PTPRT: variants seen among roughly 807,000 people sequenced by gnomAD.
PTPRT encodes the protein protein tyrosine phosphatase receptor type T, also known as receptor-type tyrosine-protein phosphatase T.
Under a neutral mutation model 176.8 loss-of-function variants are expected in PTPRT, and 56 were observed. The ratio of observed to expected loss-of-function variants is 0.32; its 90% CI spans 0.26 to 0.40. PTPRT has a LOEUF of 0.40. Among genes scored for constraint, PTPRT ranks in the 10% least tolerant of loss-of-function variants. PTPRT has a pLI of 1.00. For missense variants in PTPRT, 1,540 were observed against 1,908.2 expected (o/e 0.81, Z 3.60); for synonymous variants, 783 against 739.0 (o/e 1.06, Z -0.96).
At chr20:42,096,190 C>T (rs919509811) in intron 27 of PTPRT, among the ~76,000 whole-genome samples, 4 of 152,250 alleles carry the variant, frequency 2.6e-5, no homozygotes, top group Non-Finnish European at 5.9e-5. Flanking sequence ...CAACATTCTC[C>T]TCCCCGGTCT....
At chr20:42,636,088 A>T (rs79562331) in intron 7 of PTPRT, among the ~76,000 whole-genome samples, 1 of 152,306 alleles carries the variant, frequency 6.6e-6, no homozygotes, top group African/African-American at 2.4e-5. Context: ...ATATTAGGCT[A>T]CAGTAACCTC....
At chr20:42,167,921 A>C (rs1989897141) in intron 16 of PTPRT, among the ~76,000 whole-genome samples, 1 of 152,240 alleles carries the variant, frequency 6.6e-6, no homozygotes, top group Non-Finnish European at 1.5e-5. Flanking sequence ...GACGCCCTCA[A>C]AACTTAACTA....
chr20:42,261,625 G>T (rs561866937), intron 13 of PTPRT, among the ~76,000 whole-genome samples: 1 of 152,124 alleles, frequency 6.6e-6, no homozygotes, highest in Non-Finnish European at 1.5e-5. Context: ...GAAGAGGAAT[G>T]GGGGCTCCTG....
intron 2 of PTPRT, among the ~76,000 whole-genome samples, chr20:42,824,732 G>A (rs942194431): frequency 6.6e-6 from 1 of 151,870 alleles, no homozygotes; most frequent in Non-Finnish European, 1.5e-5. Context: ...TTTGGGAATA[G>A]GGAAATAACT....
intron 11 of PTPRT, among the ~76,000 whole-genome samples, chr20:42,321,377 C>A (rs1331147455): frequency 6.6e-6 from 1 of 152,182 alleles, no homozygotes; most frequent in Non-Finnish European, 1.5e-5. Context: ...GAAAAGCTCT[C>A]TAGATAGTTA....
chr20:42,191,510 G>C (rs139957343), intron 16 of PTPRT, among the ~76,000 whole-genome samples: 24 of 152,324 alleles, frequency 1.6e-4, no homozygotes, highest in African/African-American at 5.5e-4. Flanking sequence ...GGACCAAATG[G>C]AGACAGAAGG....
chr20:42,848,767 G>A (rs1430434979), intron 2 of PTPRT, among the ~76,000 whole-genome samples: 1 of 152,038 alleles, frequency 6.6e-6, no homozygotes, highest in East Asian at 1.9e-4. Context: ...TGGACTGTCT[G>A]TTTATTCTGC....
rs531588469 is a variant in PTPRT, at chr20:42,736,205, C to T, written c.859+20257G>A. ...GGGGAAAGTTTCAGGTAAGACTTCC[C>T]TGCAGGGAAAATACATGGGCTGAAT... On this transcript the variant is annotated intron_variant, in intron 6 of 30. Coordinates refer to ENST00000373187, the MANE Select transcript of PTPRT (RefSeq NM_007050.6). Among the ~76,000 whole-genome samples, 5 of 152,230 alleles carry T rather than the reference C, an allele frequency of 3.3e-5. No individual in the cohort carries two copies. The East Asian group carries it at 7.7e-4, about 24-fold the overall frequency.
intron 1 of PTPRT, among the ~76,000 whole-genome samples, chr20:43,186,504 G>T (rs1407152055): frequency 2.0e-5 from 3 of 152,184 alleles, no homozygotes; most frequent in Non-Finnish European, 4.4e-5. Context: ...AAAGAGTGAT[G>T]CTGTCATGTC....
chr20:42,584,583 C>A (rs1253933018), intron 7 of PTPRT, among the ~76,000 whole-genome samples: 2 of 152,228 alleles, frequency 1.3e-5, no homozygotes, highest in African/African-American at 4.8e-5. Context: ...CCAGGGAACA[C>A]CTCTCTCTCC....
At chr20:42,785,509 GTA>G (rs1351806005) in intron 3 of PTPRT, among the ~76,000 whole-genome samples, 4 of 152,170 alleles carry the variant, frequency 2.6e-5, no homozygotes, top group Admixed American at 6.5e-5. Flanking sequence ...GTACTTATGT[GTA>G]TATGTGCAAG....
At chr20:42,397,303 T>C (rs1290746473) in intron 9 of PTPRT, among the ~76,000 whole-genome samples, 1 of 152,250 alleles carries the variant, frequency 6.6e-6, no homozygotes, top group Non-Finnish European at 1.5e-5. Context: ...GTAATTTTTT[T>C]GTCAACTTTT....
At chr20:42,140,856 T>C (rs1029176504) in intron 18 of PTPRT, among the ~76,000 whole-genome samples, 8 of 152,168 alleles carry the variant, frequency 5.3e-5, no homozygotes, top group African/African-American at 1.4e-4. Context: ...CCCCTGTGGC[T>C]AAGAGTAATG....
At chr20:42,148,084 G>A (rs534225433) in intron 17 of PTPRT, among the ~76,000 whole-genome samples, 2 of 152,054 alleles carry the variant, frequency 1.3e-5, no homozygotes, top group African/African-American at 2.4e-5. Context: ...GTCATTAGGC[G>A]CTAATCACAT....
Position 42,882,752 on chromosome 20 carries a change from C to A in PTPRT, c.214+3055G>T, listed in dbSNP as rs1421989791. ...TCTCATGGTCCCCATTCACATAGAA[C>A]TTCTCATCTGGGAGTAAACCATGCA... On this transcript the variant is annotated intron_variant, in intron 2 of 30. Transcript: ENST00000373187. 5.3e-5 allele frequency among the ~76,000 whole-genome samples: 8 copies of A among 152,326 alleles called. No individual in the cohort carries two copies. The East Asian group carries it at 1.5e-3, about 29-fold the overall frequency.
chr20:42,837,015 C>A (rs964280912), intron 2 of PTPRT, among the ~76,000 whole-genome samples: 26 of 152,178 alleles, frequency 1.7e-4, no homozygotes, highest in African/African-American at 5.5e-4. Context: ...ACTTAACTGC[C>A]GCACCGCATG....
chr20:42,232,489 C>T (rs1177789836), intron 15 of PTPRT, among the ~76,000 whole-genome samples: 3 of 152,170 alleles, frequency 2.0e-5, no homozygotes, highest in Non-Finnish European at 4.4e-5. Flanking sequence ...GGTCCAGGGT[C>T]CACACACTGA....
intron 1 of PTPRT, among the ~76,000 whole-genome samples, chr20:43,083,080 G>A (rs916532655): frequency 9.2e-5 from 14 of 151,896 alleles, no homozygotes; most frequent in South Asian, 8.3e-4. Context: ...TGCAGCGCCC[G>A]AATAAAGCCC....
At chr20:42,946,761 A>G (rs1255213239) in intron 1 of PTPRT, among the ~76,000 whole-genome samples, 1 of 152,164 alleles carries the variant, frequency 6.6e-6, no homozygotes, top group Non-Finnish European at 1.5e-5. Flanking sequence ...CTTCCATCCA[A>G]CACAAAAACA....
Sources: allele counts gnomAD v4.1 joint callset (sites outside exome capture counted in the v4.1 genomes callset), GRCh38; gene constraint gnomAD v4.1.1; transcripts MANE v1.5; gene names NCBI Gene and HGNC (gene_info 2026-07-23, HGNC 2026-07-21).